Variants in MYF6 observed in about 807,000 individuals in gnomAD.
MYF6 encodes class C basic helix-loop-helix protein 4.
In MYF6, 20 loss-of-function variants were observed where a neutral mutation model predicts 21.7. That is an observed-to-expected ratio of 0.92 (90% CI 0.65 to 1.34). The LOEUF (loss-of-function observed/expected upper bound fraction) is 1.34. MYF6 is among the 40% of genes most tolerant of loss of function. The probability of loss-of-function intolerance (pLI) is 0.00; values close to 1 mark genes in which losing one functional copy is unlikely to be tolerated. For synonymous variants in MYF6, 124 were observed against 124.7 expected (o/e 0.99, Z 0.04); for missense variants, 320 against 304.1 (o/e 1.05, Z -0.39).
At chr12:80,708,316 C>G in intron 1 of MYF6, 78 bp downstream of exon 1, 1 of 1,551,090 alleles carries the variant, frequency 6.4e-7, no homozygotes, top group Non-Finnish European at 8.7e-7. Flanking sequence ...CCTCCAGCTG[C>G]TTGGTCTTTT....
At chr12:80,708,352 C>T (rs1302754983) in intron 1 of MYF6, 114 bp downstream of exon 1, 50 of 1,457,848 alleles carry the variant, frequency 3.4e-5, no homozygotes, top group African/African-American at 4.2e-5. Context: ...CTCGCCCGCC[C>T]CTCCCGCTCC....
Position 80,708,107 on chromosome 12 carries a change from A to G in MYF6, c.388A>G (p.Lys130Glu), listed in dbSNP as rs370270818. The G allele has an allele frequency of 2.5e-6, 4 of 1,614,158 alleles. No homozygotes were observed. Among genetic ancestry groups the G allele is most frequent in the African/African-American group, 2.7e-5 (2 of 75,060 alleles). Residue 130 changes from lysine (K) to glutamate (E), a missense_variant, in exon 1 of 3, where the codon AAG becomes GAG. Lys to Glu is a moderately conservative substitution (Grantham distance 56). Coordinates refer to ENST00000228641, the MANE Select transcript of MYF6 (RefSeq NM_002469.3). ...GGCCAACCCCAACCAGAGGCTGCCC[A>G]AGGTGGAGATTCTGCGGAGCGCCAT... ...TVANPNQRLP[K>E]VEILRSAISY... is the part of the protein sequence containing the mutation.
chr12:80,709,266 A>T lies in MYF6; in HGVS notation c.*306A>T, dbSNP rs560025647. 8 of 297,384 alleles carry T rather than the reference A, an allele frequency of 2.7e-5. No individual in the cohort carries two copies. The highest frequency in any genetic ancestry group is 5.1e-5 in the Non-Finnish European group (8 of 156,722). The allele number at this position is 297,384 out of a possible 1,614,324, so 18.4% of individuals were successfully genotyped here. On this transcript the variant is annotated 3_prime_UTR_variant, in exon 3 of 3. Coordinates refer to ENST00000228641, the MANE Select transcript of MYF6 (RefSeq NM_002469.3). Reference sequence around the variant, plus strand: ...TACTATATTAACTTTTATTACGGTGATCCTTTTGTGCCATGTTCAAAAGAA... The same window carrying T: ...TACTATATTAACTTTTATTACGGTGTTCCTTTTGTGCCATGTTCAAAAGAA...
rs1868432093 is a variant in MYF6, at chr12:80,709,199, G to A, written c.*239G>A. On this transcript the variant is annotated 3_prime_UTR_variant, in exon 3 of 3. Coordinates refer to ENST00000228641, the MANE Select transcript of MYF6 (RefSeq NM_002469.3). Reference sequence around the variant, plus strand: ...TTTTATTTTTTTGGAACTGCGAGTGGCTTAGGTCTAGCCTCATTTTGTTTT... The same window carrying A: ...TTTTATTTTTTTGGAACTGCGAGTGACTTAGGTCTAGCCTCATTTTGTTTT... 1.9e-6 allele frequency: 1 copy of A among 514,988 alleles called. No homozygotes were observed. The allele number at this position is 514,988 out of a possible 1,614,324, so 31.9% of individuals were successfully genotyped here.
Position 80,707,847 on chromosome 12 carries a change from C to T in MYF6, c.128C>T (p.Pro43Leu), listed in dbSNP as rs751170255. 2.5e-6 allele frequency: 4 copies of T among 1,614,062 alleles called. No homozygotes were observed. The highest frequency in any genetic ancestry group is 2.2e-5 in the East Asian group (1 of 44,878). Reference protein sequence around the residue: ...LYPGSDGTLSPCQDQMPPEAG... With the variant: ...LYPGSDGTLSLCQDQMPPEAG... ...CCAGGGAGTGATGGTACCTTGTCCCCCTGCCAGGACCAAATGCCCCCGGAA... is the reference window on the plus strand; with the variant it reads ...CCAGGGAGTGATGGTACCTTGTCCCTCTGCCAGGACCAAATGCCCCCGGAA... The change falls in exon 1 of 3, where the codon CCC becomes CTC. Residue 43 changes from proline to leucine, a missense_variant. Physicochemically the swap from Pro to Leu is moderately conservative, Grantham distance 98. Transcript: ENST00000228641.
chr12:80,708,509 T>A lies in MYF6; in HGVS notation c.520-15T>A, dbSNP rs1462728199. 6.3e-7 allele frequency: 1 copy of A among 1,582,024 alleles called. No individual in the cohort carries two copies. Among genetic ancestry groups the A allele is most frequent in the Non-Finnish European group, 8.7e-7 (1 of 1,155,880 alleles). ...TTTCTTTCCTAATCTGCCGCTGCCT[T>A]GGTTTTCCCTCCAGCTTGAGGGTGC... On this transcript the variant is annotated splice_polypyrimidine_tract_variant and intron_variant, in intron 1 of 2. Coordinates refer to ENST00000228641, the MANE Select transcript of MYF6 (RefSeq NM_002469.3).
rs1332444958 is a variant in MYF6, at chr12:80,707,895, A to T, written c.176A>T (p.Glu59Val). The T allele has an allele frequency of 5.6e-6, 9 of 1,614,142 alleles. No individual in the cohort carries two copies. The highest frequency in any genetic ancestry group is 1.3e-5 in the African/African-American group (1 of 75,048). Residue 59 changes from glutamate (E) to valine (V), a missense_variant, in exon 1 of 3, where the codon GAG becomes GTG. Physicochemically the swap from Glu to Val is moderately radical, Grantham distance 121 (BLOSUM62 -2). Coordinates refer to ENST00000228641, the MANE Select transcript of MYF6 (RefSeq NM_002469.3). ...PPEAGSDSSG[E>V]EHVLAPPGLQ... is the part of the protein sequence containing the mutation. ...GAAGCGGGGAGCGACAGCAGCGGAG[A>T]GGAACATGTCCTGGCGCCCCCGGGC... is the stretch of plus-strand genomic sequence containing the variant.
rs1039725364 is a variant in MYF6, at chr12:80,709,433, G to C, written c.*473G>C. On this transcript the variant is annotated 3_prime_UTR_variant, in exon 3 of 3. Coordinates refer to ENST00000228641, the MANE Select transcript of MYF6 (RefSeq NM_002469.3). ...GGAATGATGTATATAAAATGTGCGA[G>C]GATCCTGGTATTGTAATATTAAAAA... 1 of 155,758 alleles carries C rather than the reference G, an allele frequency of 6.4e-6. No individual in the cohort carries two copies. Among genetic ancestry groups the C allele is most frequent in the African/African-American group, 2.4e-5 (1 of 41,428 alleles). 9.6% of individuals were successfully genotyped at this position (155,758 alleles called of 1,614,324 possible). A position where few individuals can be genotyped will look rare whatever the true frequency, so the allele number is the denominator to read the frequency against.
Position 80,708,230 on chromosome 12 carries a change from C to A in MYF6, c.511C>A (p.Gln171Lys). The change falls in exon 1 of 3, where the codon CAA (glutamine) becomes AAA (lysine). Residue 171 changes from glutamine (Q) to lysine (K), a missense_variant. By Grantham distance (53) the Gln-to-Lys change is moderately conservative. Transcript: ENST00000228641. The part of the protein sequence containing the change: ...GVDPFSYRPK[Q>K]ENLEGADFLR... ...GGACCCCTTCAGCTACAGACCCAAA[C>A]AAGAAAATGTAAGCCTAGATGCTGC... 1 of 1,610,910 alleles carries A rather than the reference C, an allele frequency of 6.2e-7. No homozygotes were observed. Among genetic ancestry groups the A allele is most frequent in the Non-Finnish European group, 8.5e-7 (1 of 1,179,300 alleles).
At position 80,707,710 on chromosome 12, in the gene MYF6, G is replaced by A; in HGVS notation, c.-10G>A. 6.2e-7 allele frequency: 1 copy of A among 1,614,176 alleles called. No homozygotes were observed. The highest frequency in any genetic ancestry group is 8.5e-7 in the Non-Finnish European group (1 of 1,180,034). Reference sequence around the variant, plus strand: ...CAGTTCAGATCGAGTCAGAGGCCAAGGAGGAGAACATGATGATGGACCTTT... The same window carrying A: ...CAGTTCAGATCGAGTCAGAGGCCAAAGAGGAGAACATGATGATGGACCTTT... On this transcript the variant is annotated 5_prime_UTR_variant, in exon 1 of 3. Coordinates refer to ENST00000228641, the MANE Select transcript of MYF6 (RefSeq NM_002469.3).
chr12:80,708,546 G>T lies in MYF6; in HGVS notation c.542G>T (p.Arg181Leu). ...CAGCTTGAGGGTGCGGATTTCCTGC[G>T]CACCTGCAGCTCCCAGTGGCCAAGT... Reference protein sequence around the residue: ...QENLEGADFLRTCSSQWPSVS... With the variant: ...QENLEGADFLLTCSSQWPSVS... Residue 181 changes from arginine (R) to leucine (L), a missense_variant, in exon 2 of 3, where the codon CGC becomes CTC. Transcript: ENST00000228641. 1 of 1,613,000 alleles carries T rather than the reference G, an allele frequency of 6.2e-7. No individual in the cohort carries two copies. Among genetic ancestry groups the T allele is most frequent in the Admixed American group, 1.7e-5 (1 of 59,960 alleles).
Position 80,709,211 on chromosome 12 carries a change from C to T in MYF6, c.*251C>T. ...GGAACTGCGAGTGGCTTAGGTCTAG[C>T]CTCATTTTGTTTTTGTTTGGTTGGT... is the stretch of plus-strand genomic sequence containing the variant. On this transcript the variant is annotated 3_prime_UTR_variant, in exon 3 of 3. Coordinates refer to ENST00000228641, the MANE Select transcript of MYF6 (RefSeq NM_002469.3). The T allele has an allele frequency of 2.1e-6, 1 of 485,688 alleles. No homozygotes were observed. Among genetic ancestry groups the T allele is most frequent in the Non-Finnish European group, 3.7e-6 (1 of 266,912 alleles). The allele number at this position is 485,688 out of a possible 1,614,324, so 30.1% of individuals were successfully genotyped here. A position where few individuals can be genotyped will look rare whatever the true frequency, so the allele number is the denominator to read the frequency against.
Position 80,709,027 on chromosome 12 carries a change from C to T in MYF6, c.*67C>T, listed in dbSNP as rs1565862773. The T allele has an allele frequency of 8.1e-7, 1 of 1,234,580 alleles. No individual in the cohort carries two copies. The highest frequency in any genetic ancestry group is 1.2e-6 in the Non-Finnish European group (1 of 837,246). 76.5% of individuals were successfully genotyped at this position (1,234,580 alleles called of 1,614,324 possible). ...CCCACCGACCCTTCCTGGCCTAATC[C>T]TTTAGATTAGGTCACATTACATTAA... On this transcript the variant is annotated 3_prime_UTR_variant, in exon 3 of 3. Transcript: ENST00000228641.
rs766941896 is a variant in MYF6, at chr12:80,708,854, T to C, written c.623T>C (p.Ile208Thr). 4 of 1,614,128 alleles carry C rather than the reference T, an allele frequency of 2.5e-6. No homozygotes were observed. The Admixed American group carries it at 6.7e-5, about 27-fold the overall frequency. The change falls in exon 3 of 3, where the codon ATT becomes ACT. Residue 208 changes from isoleucine (I) to threonine (T), a missense_variant. Transcript: ENST00000228641. ...TTTTTTCGCTCAGGAGGAGCAAGTA[T>C]TGATTCGTCAGCCTCGAGTAGCCTT... ...VITAKEGGAS[I>T]DSSASSSLRC... is the part of the protein sequence containing the mutation.
In MYF6 at chr12:80,709,258, T is replaced by C. The variant is rs1868433416; in HGVS notation, c.*298T>C. ...TGGTTTTATACTATATTAACTTTTA[T>C]TACGGTGATCCTTTTGTGCCATGTT... On this transcript the variant is annotated 3_prime_UTR_variant, in exon 3 of 3. Transcript: ENST00000228641. 2 of 324,626 alleles carry C rather than the reference T, an allele frequency of 6.2e-6. No individual in the cohort carries two copies. Among genetic ancestry groups the C allele is most frequent in the African/African-American group, 2.1e-5 (1 of 47,394 alleles). 20.1% of individuals were successfully genotyped at this position (324,626 alleles called of 1,614,324 possible).
In MYF6 at chr12:80,707,887, C is replaced by T. The variant is rs1868387977; in HGVS notation, c.168C>T (p.Ser56=). 6.2e-7 allele frequency: 1 copy of T among 1,614,184 alleles called. No individual in the cohort carries two copies. Among genetic ancestry groups the T allele is most frequent in the African/African-American group, 1.3e-5 (1 of 75,052 alleles). The part of the protein sequence containing the change: ...DQMPPEAGSD[S]SGEEHVLAPP... ...TGCCCCCGGAAGCGGGGAGCGACAG[C>T]AGCGGAGAGGAACATGTCCTGGCGC... The change falls in exon 1 of 3, where the codon AGC becomes AGT. Residue 56 remains serine, a synonymous_variant. Coordinates refer to ENST00000228641, the MANE Select transcript of MYF6 (RefSeq NM_002469.3).
At chr12:80,708,473 C>A in intron 1 of MYF6, 51 bp from the exon 2 acceptor site, 1 of 1,529,852 alleles carries the variant, frequency 6.5e-7, no homozygotes, top group Non-Finnish European at 9.1e-7. Flanking sequence ...ACCCCAACCC[C>A]GGAACCGATG....
chr12:80,708,002 C>A lies in MYF6; in HGVS notation c.283C>A (p.Arg95=), dbSNP rs1868392025. 1.2e-6 allele frequency: 2 copies of A among 1,613,998 alleles called. No individual in the cohort carries two copies. The highest frequency in any genetic ancestry group is 4.5e-5 in the East Asian group (2 of 44,864). The change falls in exon 1 of 3, where the codon CGA becomes AGA. Residue 95 remains arginine (R), a synonymous_variant. Transcript: ENST00000228641. ...CKRKSAPTDR[R]KAATLRERRR... Reference sequence around the variant, plus strand: ...GAGAAAATCTGCCCCCACTGACCGGCGAAAAGCCGCCACCCTGCGCGAAAG... The same window carrying A: ...GAGAAAATCTGCCCCCACTGACCGGAGAAAAGCCGCCACCCTGCGCGAAAG...
In MYF6 at chr12:80,707,898, A is replaced by T; in HGVS notation, c.179A>T (p.Glu60Val). ...PEAGSDSSGEEHVLAPPGLQP... is the reference protein window; with the variant it reads ...PEAGSDSSGEVHVLAPPGLQP... ...GCGGGGAGCGACAGCAGCGGAGAGG[A>T]ACATGTCCTGGCGCCCCCGGGCCTG... The change falls in exon 1 of 3, where the codon GAA becomes GTA. Residue 60 changes from glutamate (E) to valine (V), a missense_variant. Transcript: ENST00000228641. The T allele has an allele frequency of 6.2e-7, 1 of 1,614,168 alleles. No individual in the cohort carries two copies. The highest frequency in any genetic ancestry group is 1.3e-5 in the African/African-American group (1 of 75,044).
Sources: gnomAD v4.1 joint callset for allele counts on GRCh38, gnomAD v4.1.1 for gene constraint, MANE v1.5 for transcripts, NCBI Gene and HGNC (gene_info 2026-07-23, HGNC 2026-07-21) for gene names.